The following AGPAT3 variants were observed in gnomAD, a reference collection of about 807,000 sequenced individuals.
AGPAT3 encodes 1-acyl-sn-glycerol-3-phosphate acyltransferase gamma.
AGPAT3 carries 5 observed loss-of-function variants against 47.3 expected under a neutral mutation model. The ratio of observed to expected loss-of-function variants is 0.11; its 90% CI spans 0.06 to 0.22. The LOEUF is 0.22. Ranked by LOEUF, AGPAT3 falls within the 10% of genes least tolerant of loss-of-function variation. The pLI is 1.00. For missense variants in AGPAT3, 315 were observed against 493.0 expected (o/e 0.64, Z 3.42); for synonymous variants, 212 against 208.3 (o/e 1.02, Z -0.15).
Position 43,972,678 on chromosome 21 carries a change from C to T in AGPAT3, c.767+1188C>T, listed in dbSNP as rs1216050535. On this transcript the variant is annotated intron_variant, in intron 7 of 9. Transcript: ENST00000291572. ...TGCTGCCCTTGGACTCTCCAAGCTT[C>T]TCTGGCTCACATAGAGGAGAAAATC... Among the ~76,000 whole-genome samples the T allele has an allele frequency of 3.3e-5, 5 of 152,226 alleles. No homozygotes were observed. The East Asian group carries it at 9.6e-4, about 29-fold the overall frequency.
chr21:43,931,252 C>G (rs1408250474), intron 2 of AGPAT3, among the ~76,000 whole-genome samples: 1 of 152,146 alleles, frequency 6.6e-6, no homozygotes, highest in Non-Finnish European at 1.5e-5. Context: ...CGTCCCACTG[C>G]TGGGGTGAGG....
At chr21:43,899,411 A>G (rs945371726) in intron 1 of AGPAT3, among the ~76,000 whole-genome samples, 2 of 152,178 alleles carry the variant, frequency 1.3e-5, no homozygotes, top group African/African-American at 4.8e-5. Flanking sequence ...AAAGGACACC[A>G]TCAAGAAAGG....
rs569786397 is a variant in AGPAT3, at chr21:43,957,875, A to G, written c.-48-1759A>G. Among the ~76,000 whole-genome samples the G allele has an allele frequency of 2.2e-4, 33 of 152,284 alleles. 1 individual carries two copies. In the East Asian group the frequency reaches 6.4e-3, roughly 29 times the overall value. Reference sequence around the variant, plus strand: ...AGGGCCGCTCAGTAGGAGTGCTGCCAAGAGTGGAGGGGGGCCACCGGCTTC... The same window carrying G: ...AGGGCCGCTCAGTAGGAGTGCTGCCGAGAGTGGAGGGGGGCCACCGGCTTC... On this transcript the variant is annotated intron_variant, in intron 2 of 9. Transcript: ENST00000291572.
chr21:43,883,758 T>C (rs140775940), intron 1 of AGPAT3, among the ~76,000 whole-genome samples: 62 of 152,322 alleles, frequency 4.1e-4, no homozygotes, highest in African/African-American at 1.4e-3. Flanking sequence ...CACACCTGGC[T>C]AATTTTTGTA....
intron 1 of AGPAT3, among the ~76,000 whole-genome samples, chr21:43,869,792 C>T (rs1284272921): frequency 6.6e-6 from 1 of 152,232 alleles, no homozygotes; most frequent in African/African-American, 2.4e-5. Context: ...GCTCACCTGT[C>T]TCCTCACCTG....
In AGPAT3 at chr21:43,955,117, C is replaced by A; in HGVS notation, c.-48-4517C>A. 2.4e-6 allele frequency: 3 copies of A among 1,274,574 alleles called. No individual in the cohort carries two copies. In the South Asian group the frequency reaches 3.8e-5, roughly 16 times the overall value. 79.0% of individuals were successfully genotyped at this position (1,274,574 alleles called of 1,614,324 possible). On this transcript the variant is annotated intron_variant, in intron 2 of 9. Coordinates refer to ENST00000291572, the MANE Select transcript of AGPAT3 (RefSeq NM_020132.5). The surrounding 1 kb of genome is among the most constrained non-coding windows in gnomAD (Gnocchi z 4.1). ...AGCGTATCACCGTGGCACGTCCATG[C>A]CGTGGGGGTCACTCAGCAGCCACGG... is the stretch of plus-strand genomic sequence containing the variant.
intron 5 of AGPAT3, among the ~76,000 whole-genome samples, chr21:43,969,732 C>T (rs1262153205): frequency 6.6e-6 from 1 of 152,136 alleles, no homozygotes; most frequent in African/African-American, 2.4e-5. Flanking sequence ...GAGTCTCGCT[C>T]TGTCGCCCAG....
chr21:43,876,183 C>A (rs1048546307), intron 1 of AGPAT3, among the ~76,000 whole-genome samples: 4 of 152,018 alleles, frequency 2.6e-5, no homozygotes, highest in African/African-American at 7.2e-5. Context: ...GTTTGGTATT[C>A]TTTTCCTTAC....
rs1005314782 is a variant in AGPAT3 at position 43,970,560 on chromosome 21, A to G, written c.511-93A>G. On this transcript the variant is annotated intron_variant, in intron 5 of 9. Coordinates refer to ENST00000291572, the MANE Select transcript of AGPAT3 (RefSeq NM_020132.5). The surrounding 1 kb of genome is among the most constrained non-coding windows in gnomAD (Gnocchi z 5.8). ...CAAGATTTCCACAAATTCAGCCACA[A>G]CCTTTGCTGCCTGTCAGAGAGGCAG... 5 of 1,400,128 alleles carry G rather than the reference A, an allele frequency of 3.6e-6. No individual in the cohort carries two copies. The highest frequency in any genetic ancestry group is 1.4e-5 in the African/African-American group (1 of 69,606). 86.7% of individuals were successfully genotyped at this position (1,400,128 alleles called of 1,614,324 possible).
In AGPAT3 at chr21:43,982,356, C is replaced by A. The variant is rs778802568; in HGVS notation, c.1095C>A (p.Ser365=). The part of the protein sequence containing the change: ...LIGVTEIEKG[S]SYGNQEFKKK... ...GAGTAACTGAGATAGAAAAAGGCTC[C>A]AGCTACGGAAACCAAGAGTTTAAGA... is the stretch of plus-strand genomic sequence containing the variant. The change falls in exon 10 of 10, where the codon TCC becomes TCA. Residue 365 remains serine (S), a synonymous_variant. Coordinates refer to ENST00000291572, the MANE Select transcript of AGPAT3 (RefSeq NM_020132.5). The surrounding 1 kb of genome is among the most constrained non-coding windows in gnomAD (Gnocchi z 6.2). 1.5e-5 allele frequency: 25 copies of A among 1,613,938 alleles called. No individual in the cohort carries two copies. The East Asian group carries it at 5.6e-4, about 36-fold the overall frequency.
chr21:43,945,498 G>A (rs1229143082), intron 2 of AGPAT3, among the ~76,000 whole-genome samples: 1 of 152,188 alleles, frequency 6.6e-6, no homozygotes, highest in Non-Finnish European at 1.5e-5. Context: ...TATCTGGACA[G>A]GGCGCCGTAA....
intron 2 of AGPAT3, among the ~76,000 whole-genome samples, chr21:43,921,895 C>A (rs1035729905): frequency 2.6e-5 from 4 of 152,048 alleles, no homozygotes; most frequent in Admixed American, 2.0e-4. Flanking sequence ...GACGGCGGGC[C>A]TGTCTCCCCC....
rs753654209 is a variant in AGPAT3 at position 43,892,320 on chromosome 21, G to GA, written c.-111-11628dup. 2.4e-4 allele frequency among the ~76,000 whole-genome samples: 34 copies of GA among 142,954 alleles called. 2 individuals are homozygous for GA. In the South Asian group the frequency reaches 6.5e-3, roughly 27 times the overall value. The allele number at this position is 142,954 out of a possible 152,430, so 93.8% of individuals were successfully genotyped here. The stretch of plus-strand genomic sequence containing the variant: ...AAAACTCTGTCTCAAAAAAAAAAAA[G>GA]AAAAAAAAAGAAATTACTCCTTGAT... On this transcript the variant is annotated intron_variant, in intron 1 of 9. Coordinates refer to ENST00000291572, the MANE Select transcript of AGPAT3 (RefSeq NM_020132.5).
intron 2 of AGPAT3, among the ~76,000 whole-genome samples, chr21:43,951,790 A>G (rs898875007): frequency 6.6e-6 from 1 of 151,628 alleles, no homozygotes; most frequent in Non-Finnish European, 1.5e-5. Flanking sequence ...AAAACCAGGG[A>G]CTCCTCTGTT....
In AGPAT3 at chr21:43,984,177, G is replaced by A. The variant is rs910324481; in HGVS notation, c.*1785G>A. 2.0e-5 allele frequency: 3 copies of A among 152,246 alleles called. No individual in the cohort carries two copies. The highest frequency in any genetic ancestry group is 4.4e-5 in the Non-Finnish European group (3 of 68,054). The allele number at this position is 152,246 out of a possible 1,614,324, so 9.4% of individuals were successfully genotyped here. A position where few individuals can be genotyped will look rare whatever the true frequency, so the allele number is the denominator to read the frequency against. ...ACACGCTTGCAGACACTGTTGTTTT[G>A]GAAATGTGCTTCCCTCCATCTGAAA... On this transcript the variant is annotated 3_prime_UTR_variant, in exon 10 of 10. Transcript: ENST00000291572.
rs1411811904 is a variant in AGPAT3 at position 43,930,393 on chromosome 21, A to AGGGATCATTT, written c.-49+26376_-49+26385dup. On this transcript the variant is annotated intron_variant, in intron 2 of 9. Transcript: ENST00000291572. This position sits in a 1 kb window ranked among gnomAD's most constrained non-coding sequence, Gnocchi z 5.0. ...CGGGGCAGAGCTGTGCTGAGCGCTG[A>AGGGATCATTT]GGGATCATTTGTGTAAAGCACCTGC... Among the ~76,000 whole-genome samples the AGGGATCATTT allele has an allele frequency of 4.6e-5, 7 of 152,110 alleles. No homozygotes were observed. Among genetic ancestry groups the AGGGATCATTT allele is most frequent in the Non-Finnish European group, 8.8e-5 (6 of 68,018 alleles).
In AGPAT3 at chr21:43,975,631, G is replaced by A. The variant is rs532392202; in HGVS notation, c.768-2415G>A. On this transcript the variant is annotated intron_variant, in intron 7 of 9. Transcript: ENST00000291572. ...CCGCAGCTCAAGCCTGGTCTTTCCTGCTCTGAGGTGCGTCGTCGCCCCCTC... is the reference window on the plus strand; with the variant it reads ...CCGCAGCTCAAGCCTGGTCTTTCCTACTCTGAGGTGCGTCGTCGCCCCCTC... Among the ~76,000 whole-genome samples the A allele has an allele frequency of 2.0e-5, 3 of 152,360 alleles. No homozygotes were observed. The East Asian group carries it at 5.8e-4, about 29-fold the overall frequency.
At chr21:43,945,587 G>A (rs1045931154) in intron 2 of AGPAT3, among the ~76,000 whole-genome samples, 6 of 152,152 alleles carry the variant, frequency 3.9e-5, no homozygotes, top group Admixed American at 1.3e-4. Context: ...CCCTGTCCCC[G>A]CAGAGAGCCC....
chr21:43,902,055 C>G (rs979923715), intron 1 of AGPAT3, among the ~76,000 whole-genome samples: 1 of 152,044 alleles, frequency 6.6e-6, no homozygotes, highest in African/African-American at 2.4e-5. Flanking sequence ...AAACTCATCC[C>G]GAAGAAGCTC....
Sources: gnomAD v4.1 joint callset for allele counts (sites outside exome capture counted in the v4.1 genomes callset) on GRCh38, gnomAD v4.1.1 for gene constraint, Gnocchi (gnomAD v3.1) non-coding constraint, MANE v1.5 for transcripts, NCBI Gene and HGNC (gene_info 2026-07-23, HGNC 2026-07-21) for gene names.